CTNNBL1: variants seen among roughly 807,000 people sequenced by gnomAD.
CTNNBL1 encodes beta-catenin-like protein 1.
In CTNNBL1, 31 loss-of-function variants were observed where a neutral mutation model predicts 72.7. The ratio of observed to expected loss-of-function variants is 0.43; its 90% CI spans 0.32 to 0.58. The LOEUF (loss-of-function observed/expected upper bound fraction) is 0.58, where lower values mean the gene tolerates loss of function less well. Ranked by LOEUF, CTNNBL1 falls within the 20% of genes least tolerant of loss-of-function variation. The pLI is 0.08. For synonymous variants in CTNNBL1, 240 were observed against 267.3 expected, an observed-to-expected ratio of 0.90 and a Z score of 1.00; for missense variants, 534 against 725.1, an observed-to-expected ratio of 0.74 and a Z score of 3.03.
At position 37,851,858 on chromosome 20, in the gene CTNNBL1, G is replaced by A. The variant is rs187244890; in HGVS notation, c.1393-8041G>A. On this transcript the variant is annotated intron_variant, in intron 13 of 15. Coordinates refer to ENST00000361383, the MANE Select transcript of CTNNBL1 (RefSeq NM_030877.5). ...GTTTTTGCTGTCATCTCTTGCCAGTGTGAAAGAACTAATAGAGAAGGCCTG... is the reference window on the plus strand; with the variant it reads ...GTTTTTGCTGTCATCTCTTGCCAGTATGAAAGAACTAATAGAGAAGGCCTG... 5.3e-5 allele frequency among the ~76,000 whole-genome samples: 8 copies of A among 152,324 alleles called. No homozygotes were observed. In the South Asian group the frequency reaches 8.3e-4, roughly 16 times the overall value.
At chr20:37,732,518 C>T (rs2073138147) in intron 1 of CTNNBL1, among the ~76,000 whole-genome samples, 1 of 152,090 alleles carries the variant, frequency 6.6e-6, no homozygotes, top group Non-Finnish European at 1.5e-5. Context: ...AATGGCAAAA[C>T]TGCGTATAAA....
chr20:37,832,340 G>A (rs1396112688), intron 11 of CTNNBL1: 1 of 152,244 alleles, frequency 6.6e-6, no homozygotes, highest in Non-Finnish European at 1.5e-5. Context: ...TGGTGATCTA[G>A]GACAGGTGCG....
intron 1 of CTNNBL1, among the ~76,000 whole-genome samples, chr20:37,729,241 G>A (rs1261818200): frequency 6.6e-6 from 1 of 152,130 alleles, no homozygotes; most frequent in Non-Finnish European, 1.5e-5. Flanking sequence ...TTTGAGAAGG[G>A]ACCAGGTTGT....
chr20:37,865,017 G>A (rs2072525713), intron 15 of CTNNBL1, among the ~76,000 whole-genome samples: 1 of 152,292 alleles, frequency 6.6e-6, no homozygotes, highest in Non-Finnish European at 1.5e-5. Context: ...CTCTGGTGAT[G>A]TAAACTGGAT....
At position 37,871,962 on chromosome 20, in the gene CTNNBL1, G is replaced by C. The variant is rs1226531741; in HGVS notation, c.1641G>C (p.Glu547Asp). ...AENIGDGRSP[E>D]FRENEQKRIL... ...ACATCGGGGACGGCCGGAGCCCGGA[G>C]TTCCGGGAGAACGAGCAAAAGCGCA... Residue 547 changes from glutamate (E) to aspartate (D), a missense_variant, in exon 16 of 16, where the codon GAG (glutamate) becomes GAC (aspartate). Physicochemically the swap from Glu to Asp is conservative, Grantham distance 45. Transcript: ENST00000361383. 6.2e-7 allele frequency: 1 copy of C among 1,614,108 alleles called. No homozygotes were observed. Among genetic ancestry groups the C allele is most frequent in the South Asian group, 1.1e-5 (1 of 91,078 alleles).
At chr20:37,731,925 A>C (rs556755260) in intron 1 of CTNNBL1, among the ~76,000 whole-genome samples, 4 of 152,172 alleles carry the variant, frequency 2.6e-5, no homozygotes, top group Non-Finnish European at 4.4e-5. Context: ...TTGGTTACAT[A>C]CCCAAAAGTG....
intron 13 of CTNNBL1, among the ~76,000 whole-genome samples, chr20:37,849,266 T>C (rs1247600747): frequency 6.6e-6 from 1 of 152,236 alleles, no homozygotes; most frequent in Non-Finnish European, 1.5e-5. Flanking sequence ...TTTTCTAAAA[T>C]GTAAATTCAT....
At chr20:37,858,761 G>A (rs1037265660) in intron 13 of CTNNBL1, among the ~76,000 whole-genome samples, 2 of 152,130 alleles carry the variant, frequency 1.3e-5, no homozygotes, top group Non-Finnish European at 2.9e-5. Context: ...AATCTACTAG[G>A]GAGGACTGGA....
At position 37,840,193 on chromosome 20, in the gene CTNNBL1, T is replaced by C; in HGVS notation, c.1305T>C (p.Ser435=). 6.2e-7 allele frequency: 1 copy of C among 1,609,872 alleles called. No individual in the cohort carries two copies. Among genetic ancestry groups the C allele is most frequent in the Non-Finnish European group, 8.5e-7 (1 of 1,176,610 alleles). The change falls in exon 12 of 16, where the codon AGT becomes AGC. Residue 435 remains serine (S), a synonymous_variant. Transcript: ENST00000361383. The part of the protein sequence containing the change: ...RLLNKFTEND[S]EKVDRLMELH... Reference sequence around the variant, plus strand: ...TGAATAAATTCACTGAAAATGACAGTGAGAAGGTGGGTGACTGTTGGACTG... The same window carrying C: ...TGAATAAATTCACTGAAAATGACAGCGAGAAGGTGGGTGACTGTTGGACTG...
intron 5 of CTNNBL1, among the ~76,000 whole-genome samples, chr20:37,759,669 G>C (rs1193226020): frequency 6.6e-6 from 1 of 152,090 alleles, no homozygotes; most frequent in Non-Finnish European, 1.5e-5. Context: ...GACTCTTACA[G>C]GTTTATCCTG....
chr20:37,777,637 AT>A lies in CTNNBL1; in HGVS notation c.824-10del, dbSNP rs775315364. 1.9e-6 allele frequency: 3 copies of A among 1,611,834 alleles called. No individual in the cohort carries two copies. The highest frequency in any genetic ancestry group is 2.5e-6 in the Non-Finnish European group (3 of 1,178,574). On this transcript the variant is annotated splice_polypyrimidine_tract_variant and intron_variant, in intron 8 of 15. Transcript: ENST00000361383. ...TTAGGTTCATTTTTTTTCTTCCTCT[AT>A]TTTTTTCCCCTTTAGAAAACAGGGA...
At chr20:37,722,066 G>A (rs1335570679) in intron 1 of CTNNBL1, among the ~76,000 whole-genome samples, 1 of 151,948 alleles carries the variant, frequency 6.6e-6, no homozygotes, top group Non-Finnish European at 1.5e-5. Context: ...TGGTTTTTAT[G>A]TACATTTCCC....
intron 10 of CTNNBL1, among the ~76,000 whole-genome samples, chr20:37,786,924 T>C (rs1207898406): frequency 6.6e-6 from 1 of 152,158 alleles, no homozygotes; most frequent in East Asian, 1.9e-4. Flanking sequence ...TATACTTGGG[T>C]AGTTTTTATA....
chr20:37,848,199 G>T (rs1433129715), intron 13 of CTNNBL1, among the ~76,000 whole-genome samples: 1 of 141,618 alleles, frequency 7.1e-6, no homozygotes, highest in Non-Finnish European at 1.5e-5. Flanking sequence ...ACCCAGGCTA[G>T]AGTGCAGTGG....
chr20:37,841,641 T>C (rs919242613), intron 12 of CTNNBL1, among the ~76,000 whole-genome samples: 6 of 152,212 alleles, frequency 3.9e-5, no homozygotes, highest in Non-Finnish European at 8.8e-5. Context: ...GATAAAAAGA[T>C]AAGTCAGGAG....
intron 2 of CTNNBL1, 35 bp downstream of exon 2, chr20:37,733,102 C>T: frequency 1.3e-6 from 2 of 1,592,994 alleles, no homozygotes; most frequent in Non-Finnish European, 1.7e-6. Context: ...GCTGAGATGG[C>T]TGGCCCTGTA....
At chr20:37,779,155 G>T (rs746971552) in intron 9 of CTNNBL1, 32 bp from the exon 10 acceptor site, 3 of 1,608,484 alleles carry the variant, frequency 1.9e-6, no homozygotes, top group Non-Finnish European at 2.5e-6. Flanking sequence ...TTCTCTTATA[G>T]CTCTGTGCTT....
intron 11 of CTNNBL1, among the ~76,000 whole-genome samples, chr20:37,834,394 G>A (rs2072237441): frequency 6.6e-6 from 1 of 152,188 alleles, no homozygotes; most frequent in Non-Finnish European, 1.5e-5. Flanking sequence ...TTAGACTGTG[G>A]TGGAAATTGC....
At chr20:37,830,396 G>A (rs183164044) in intron 11 of CTNNBL1, among the ~76,000 whole-genome samples, 17 of 152,202 alleles carry the variant, frequency 1.1e-4, no homozygotes, top group African/African-American at 2.2e-4. Flanking sequence ...ACCCAGCTCC[G>A]CTTGCTAGGG....
Sources: allele counts gnomAD v4.1 joint callset (sites outside exome capture counted in the v4.1 genomes callset), GRCh38; gene constraint gnomAD v4.1.1; transcripts MANE v1.5; gene names NCBI Gene and HGNC (gene_info 2026-07-23, HGNC 2026-07-21).